The following TRAK1 variants were observed in gnomAD, a reference collection of about 807,000 sequenced individuals.
The protein encoded by TRAK1 is trafficking kinesin protein 1.
A neutral mutation model predicts 92.1 loss-of-function variants in TRAK1; 33 were observed. The observed-to-expected ratio is 0.36, with a 90% confidence interval of 0.27 to 0.48. The LOEUF (loss-of-function observed/expected upper bound fraction) is 0.48, where lower values mean the gene tolerates loss of function less well. Among genes scored for constraint, TRAK1 ranks in the 20% least tolerant of loss-of-function variants. The pLI, the probability that TRAK1 is intolerant of heterozygous loss-of-function variation, is 0.99. For missense variants in TRAK1, 1,123 were observed against 1,257.9 expected, an observed-to-expected ratio of 0.89 and a Z score of 1.62; for synonymous variants, 521 against 517.3, an observed-to-expected ratio of 1.01 and a Z score of -0.10.
At chr3:42,091,936 C>T (rs557375500) in intron 1 of TRAK1, among the ~76,000 whole-genome samples, 14 of 152,088 alleles carry the variant, frequency 9.2e-5, no homozygotes, top group Non-Finnish European at 1.8e-4. Flanking sequence ...AGGCCTCCTC[C>T]GCCTCTCCAG....
At chr3:42,143,514 T>C (rs1439287824) in intron 2 of TRAK1, among the ~76,000 whole-genome samples, 1 of 152,166 alleles carries the variant, frequency 6.6e-6, no homozygotes, top group Non-Finnish European at 1.5e-5. Context: ...AGCCATTAGG[T>C]CGCAGGGGTC....
chr3:42,032,396 T>G (rs1380245418), intron 1 of TRAK1, among the ~76,000 whole-genome samples: 2 of 151,748 alleles, frequency 1.3e-5, no homozygotes, highest in Non-Finnish European at 2.9e-5. Context: ...CATTGTCCCA[T>G]GTTGTTCGTA....
chr3:42,166,608 A>T (rs947958184), intron 2 of TRAK1, among the ~76,000 whole-genome samples: 1 of 152,228 alleles, frequency 6.6e-6, no homozygotes, highest in African/African-American at 2.4e-5. Context: ...AATGCCTAGG[A>T]AAGCAGTTGG....
At chr3:42,109,198 T>C (rs1013048659) in intron 1 of TRAK1, among the ~76,000 whole-genome samples, 22 of 152,228 alleles carry the variant, frequency 1.4e-4, no homozygotes, top group African/African-American at 5.1e-4. Context: ...AGTTAATGGA[T>C]GTAAATGCTT....
At chr3:42,221,071 CTTT>C (rs369421571) in intron 15 of TRAK1, among the ~76,000 whole-genome samples, 935 of 85,392 alleles carry the variant, frequency 0.011, 10 homozygotes, top group African/African-American at 0.045. Flanking sequence ...AGAGAAGGCT[CTTT>C]TTTTTTTTTT....
At chr3:42,199,605 G>A (rs1707237851) in intron 11 of TRAK1, among the ~76,000 whole-genome samples, 1 of 152,116 alleles carries the variant, frequency 6.6e-6, no homozygotes, top group Middle Eastern at 3.2e-3. Flanking sequence ...ACAGGCGCAT[G>A]CCACCATTTC....
chr3:42,212,913 C>T (rs1305266012), intron 14 of TRAK1, among the ~76,000 whole-genome samples: 1 of 152,074 alleles, frequency 6.6e-6, no homozygotes, highest in Non-Finnish European at 1.5e-5. Context: ...AATTGACAGT[C>T]AGTTTATTTT....
At chr3:42,052,091 A>G (rs1364997203) in intron 1 of TRAK1, among the ~76,000 whole-genome samples, 1 of 152,244 alleles carries the variant, frequency 6.6e-6, no homozygotes, top group African/African-American at 2.4e-5. Flanking sequence ...AAACTCACAA[A>G]GTAGTTAAAG....
chr3:42,099,977 A>G (rs1343778120), intron 1 of TRAK1, among the ~76,000 whole-genome samples: 2 of 151,780 alleles, frequency 1.3e-5, no homozygotes, highest in African/African-American at 4.8e-5. Context: ...ATGCAGCACC[A>G]TCTAGTGGGC....
chr3:42,116,544 A>C (rs1709186853), intron 1 of TRAK1, among the ~76,000 whole-genome samples: 1 of 152,188 alleles, frequency 6.6e-6, no homozygotes, highest in South Asian at 2.1e-4. Context: ...TAATCCTTAT[A>C]ATTTTAAGAA....
At chr3:42,213,898 G>A (rs140676553) in intron 14 of TRAK1, among the ~76,000 whole-genome samples, 4 of 152,260 alleles carry the variant, frequency 2.6e-5, no homozygotes, top group Admixed American at 6.5e-5. Flanking sequence ...TGTTGTTATG[G>A]ACAGAGTGGA....
At chr3:42,187,120 C>A (rs1704999077) in intron 4 of TRAK1, among the ~76,000 whole-genome samples, 1 of 152,124 alleles carries the variant, frequency 6.6e-6, no homozygotes, top group African/African-American at 2.4e-5. Context: ...TGTAGCCATT[C>A]CCTGATGGTT....
At chr3:42,218,778 T>C in intron 14 of TRAK1, 13 of 985,362 alleles carry the variant, frequency 1.3e-5, no homozygotes, top group Non-Finnish European at 1.6e-5. Context: ...ATCTTAGAGA[T>C]GTCAAGAAAG....
Position 42,189,126 on chromosome 3 carries a change from T to C in TRAK1, c.690+2T>C. ...GAGAATGTTGTACTTCGATCCGAGGTGATGTGCCCTCCCTTCTCTTGCCCC... is the reference window on the plus strand; with the variant it reads ...GAGAATGTTGTACTTCGATCCGAGGCGATGTGCCCTCCCTTCTCTTGCCCC... On this transcript the variant is annotated splice_donor_variant, in intron 6 of 15. Transcript: ENST00000327628. LOFTEE classifies it high-confidence loss of function. 1 of 1,607,686 alleles carries C rather than the reference T, an allele frequency of 6.2e-7. No homozygotes were observed. The highest frequency in any genetic ancestry group is 8.5e-7 in the Non-Finnish European group (1 of 1,174,094).
intron 1 of TRAK1, among the ~76,000 whole-genome samples, chr3:42,035,461 C>T (rs1228009794): frequency 6.6e-6 from 1 of 152,204 alleles, no homozygotes; most frequent in Non-Finnish European, 1.5e-5. Context: ...CCCGGCTGAC[C>T]ACCACTGCCA....
intron 1 of TRAK1, among the ~76,000 whole-genome samples, chr3:42,034,442 G>A (rs1360020332): frequency 2.0e-5 from 3 of 151,948 alleles, no homozygotes; most frequent in Non-Finnish European, 2.9e-5. Flanking sequence ...ACAGGCATGC[G>A]CCACTACACC....
chr3:42,108,533 T>C (rs1576391536), intron 1 of TRAK1, among the ~76,000 whole-genome samples: 1 of 149,436 alleles, frequency 6.7e-6, no homozygotes, highest in African/African-American at 2.5e-5. Context: ...CATTCAACAT[T>C]AGCATTCCCT....
chr3:42,125,960 C>G (rs923766473), intron 2 of TRAK1, among the ~76,000 whole-genome samples: 1 of 152,102 alleles, frequency 6.6e-6, no homozygotes, highest in Non-Finnish European at 1.5e-5. Flanking sequence ...AAACGATTCT[C>G]CTGCTTCAGC....
intron 15 of TRAK1, chr3:42,220,656 G>A (rs987607313): frequency 2.0e-5 from 19 of 956,844 alleles, no homozygotes; most frequent in Non-Finnish European, 2.1e-5. Flanking sequence ...GTGTGCACGC[G>A]TGGCCGCCAC....
Sources: allele counts gnomAD v4.1 joint callset (sites outside exome capture counted in the v4.1 genomes callset), GRCh38; gene constraint gnomAD v4.1.1; transcripts MANE v1.5; gene names NCBI Gene and HGNC (gene_info 2026-07-23, HGNC 2026-07-21).